Variants in PCDHGA8 observed in about 807,000 individuals in gnomAD.
PCDHGA8 encodes protocadherin gamma subfamily A, 8, also known as protocadherin gamma-A8.
PCDHGA8 carries 45 observed loss-of-function variants against 59.2 expected under a neutral mutation model. That is an observed-to-expected ratio of 0.76 (90% CI 0.60 to 0.98). The LOEUF (loss-of-function observed/expected upper bound fraction) is 0.98. PCDHGA8 is among the 50% of genes least tolerant of loss of function. The pLI is 0.00. For missense variants in PCDHGA8, 1,257 were observed against 1,196.2 expected (o/e 1.05, Z -0.75); for synonymous variants, 531 against 519.0 (o/e 1.02, Z -0.32).
At chr5:141,421,721 T>G in intron 1 of PCDHGA8, 1 of 1,613,940 alleles carries the variant, frequency 6.2e-7, no homozygotes, top group Non-Finnish European at 8.5e-7. Flanking sequence ...GATGTGGGCG[T>G]GAACTCCCTC....
chr5:141,408,904 T>C (rs779095615), intron 1 of PCDHGA8: 14 of 1,613,246 alleles, frequency 8.7e-6, no homozygotes, highest in Admixed American at 3.3e-5. Flanking sequence ...CTGTCAAGGA[T>C]ACCAATGATA....
In PCDHGA8 at chr5:141,485,615, C is replaced by G; in HGVS notation, c.2425-9192C>G. ...CTTGGAAATTGGGGAGGCAGCTCCTCCAGGACAGCGTTTCCCGTTGGAAAA... is the reference window on the plus strand; with the variant it reads ...CTTGGAAATTGGGGAGGCAGCTCCTGCAGGACAGCGTTTCCCGTTGGAAAA... On this transcript the variant is annotated intron_variant, in intron 1 of 3. Coordinates refer to ENST00000398604, the MANE Select transcript of PCDHGA8 (RefSeq NM_032088.2). This position sits in a 1 kb window ranked among gnomAD's most constrained non-coding sequence, Gnocchi z 5.7. 6.2e-7 allele frequency: 1 copy of G among 1,612,250 alleles called. No individual in the cohort carries two copies. The highest frequency in any genetic ancestry group is 1.3e-5 in the African/African-American group (1 of 74,992).
chr5:141,417,721 C>A, intron 1 of PCDHGA8: 2 of 1,330,572 alleles, frequency 1.5e-6, no homozygotes, highest in Non-Finnish European at 2.0e-6. Context: ...CCCGGCTGCG[C>A]AGACCTTGCC....
rs532502013 is a variant in PCDHGA8 at position 141,404,723 on chromosome 5, G to A, written c.2424+9486G>A. 3.1e-6 allele frequency: 5 copies of A among 1,614,094 alleles called. No individual in the cohort carries two copies. Among genetic ancestry groups the A allele is most frequent in the Middle Eastern group, 1.6e-4 (1 of 6,062 alleles). On this transcript the variant is annotated intron_variant, in intron 1 of 3. Coordinates refer to ENST00000398604, the MANE Select transcript of PCDHGA8 (RefSeq NM_032088.2). ...AGAGCCTGGCTACCTGGTGACCAAG[G>A]TGGTGGCAGTGGACAGAGACTCAGG...
chr5:141,447,389 C>T (rs1467715872), intron 1 of PCDHGA8, among the ~76,000 whole-genome samples: 1 of 152,150 alleles, frequency 6.6e-6, no homozygotes, highest in African/African-American at 2.4e-5. Context: ...CTGCCCACCT[C>T]GGCCTCCCAA....
At chr5:141,398,896 C>T (rs776008122) in intron 1 of PCDHGA8, 5 of 1,613,946 alleles carry the variant, frequency 3.1e-6, no homozygotes, top group Non-Finnish European at 3.4e-6. Context: ...AAACGTGCCA[C>T]CAGGCACCAC....
At chr5:141,407,512 T>G (rs910710605) in intron 1 of PCDHGA8, among the ~76,000 whole-genome samples, 3 of 152,192 alleles carry the variant, frequency 2.0e-5, no homozygotes, top group Non-Finnish European at 4.4e-5. Flanking sequence ...TCTTAGGCTA[T>G]GTAGGACTTA....
rs1561856520 is a variant in PCDHGA8 at position 141,431,983 on chromosome 5, A to C, written c.2424+36746A>C. 3.1e-6 allele frequency: 5 copies of C among 1,614,242 alleles called. No homozygotes were observed. Among genetic ancestry groups the C allele is most frequent in the Non-Finnish European group, 4.2e-6 (5 of 1,180,036 alleles). ...ATTACTATAGTTTAGTCACAGACAT[A>C]GTCTTGGATAGGGAACAGGTTCCTA... On this transcript the variant is annotated intron_variant, in intron 1 of 3. Coordinates refer to ENST00000398604, the MANE Select transcript of PCDHGA8 (RefSeq NM_032088.2). The surrounding 1 kb of genome is among the most constrained non-coding windows in gnomAD (Gnocchi z 4.8).
Position 141,422,656 on chromosome 5 carries a change from G to T in PCDHGA8, c.2424+27419G>T, listed in dbSNP as rs759548203. The T allele has an allele frequency of 7.5e-6, 12 of 1,609,898 alleles. 1 individual carries two copies. The African/African-American group carries it at 1.1e-4, about 14-fold the overall frequency. On this transcript the variant is annotated intron_variant, in intron 1 of 3. Transcript: ENST00000398604. The stretch of plus-strand genomic sequence containing the variant: ...GGGTGCCTCCATCTTCTCAGTGACC[G>T]CCCTCGACCCGGACAGCAAACAGAA...
chr5:141,511,230 C>A lies in PCDHGA8; in HGVS notation c.*57C>A. On this transcript the variant is annotated 3_prime_UTR_variant, in exon 4 of 4. Transcript: ENST00000398604. ...CCTCTCCCCAACCAGCCCAGCTTCT[C>A]CTTACCTGCACCCAGGCCTCAGAGT... 6.3e-7 allele frequency: 1 copy of A among 1,597,914 alleles called. No homozygotes were observed. The highest frequency in any genetic ancestry group is 1.1e-5 in the South Asian group (1 of 89,144).
At chr5:141,453,780 C>T (rs1330142662) in intron 1 of PCDHGA8, among the ~76,000 whole-genome samples, 3 of 152,090 alleles carry the variant, frequency 2.0e-5, no homozygotes, top group African/African-American at 4.8e-5. Flanking sequence ...TTTTAGTTAC[C>T]ATGGTATATT....
In PCDHGA8 at chr5:141,476,622, T is replaced by C. The variant is rs1480639256; in HGVS notation, c.2425-18185T>C. The C allele has an allele frequency of 6.2e-7, 1 of 1,614,238 alleles. No individual in the cohort carries two copies. The highest frequency in any genetic ancestry group is 2.2e-5 in the East Asian group (1 of 44,878). On this transcript the variant is annotated intron_variant, in intron 1 of 3. Transcript: ENST00000398604. This position sits in a 1 kb window ranked among gnomAD's most constrained non-coding sequence, Gnocchi z 7.6. ...GATCCCGATGTGGGAAGCAACTCTT[T>C]ACAAACCTATGAGCTGAGCCGAAAT...
chr5:141,459,617 A>G (rs900986636), intron 1 of PCDHGA8, among the ~76,000 whole-genome samples: 2 of 152,258 alleles, frequency 1.3e-5, no homozygotes, highest in African/African-American at 2.4e-5. Flanking sequence ...GCTTAACTTT[A>G]TAAGAAGCTG....
chr5:141,409,729 G>GCAGAGC (rs1178571616), intron 1 of PCDHGA8: 2 of 1,612,966 alleles, frequency 1.2e-6, no homozygotes, highest in African/African-American at 2.7e-5. Context: ...CAGTGAGCGC[G>GCAGAGC]CAGAGCGGGG....
intron 1 of PCDHGA8, chr5:141,418,168 G>T (rs2096233804): frequency 6.2e-7 from 1 of 1,613,946 alleles, no homozygotes. Context: ...GAAGATGTGA[G>T]TTGCAATTGG....
chr5:141,432,793 C>T lies in PCDHGA8; in HGVS notation c.2424+37556C>T. 6.2e-7 allele frequency: 1 copy of T among 1,614,150 alleles called. No individual in the cohort carries two copies. Among genetic ancestry groups the T allele is most frequent in the Admixed American group, 1.7e-5 (1 of 60,032 alleles). ...AAGTCCTGGCGGACCTCGGCAGCCT[C>T]GAGTCTCCAGCTAACTCTGAAACCT... On this transcript the variant is annotated intron_variant, in intron 1 of 3. Transcript: ENST00000398604. The surrounding 1 kb of genome is among the most constrained non-coding windows in gnomAD (Gnocchi z 6.0).
intron 1 of PCDHGA8, chr5:141,400,570 T>C: frequency 6.2e-7 from 1 of 1,612,974 alleles, no homozygotes; most frequent in Non-Finnish European, 8.5e-7. Context: ...CACCCAATTT[T>C]CTGTATTTAC....
intron 1 of PCDHGA8, among the ~76,000 whole-genome samples, chr5:141,456,877 C>T (rs910777736): frequency 2.0e-5 from 3 of 152,202 alleles, no homozygotes; most frequent in South Asian, 2.1e-4. Context: ...GCAGGAGAAT[C>T]GCTTGAACCC....
In PCDHGA8 at chr5:141,393,491, G is replaced by C; in HGVS notation, c.678G>C (p.Val226=). 1 of 1,614,026 alleles carries C rather than the reference G, an allele frequency of 6.2e-7. No individual in the cohort carries two copies. The highest frequency in any genetic ancestry group is 8.5e-7 in the Non-Finnish European group (1 of 1,179,910). ...GCAAGCCGCCTCGCTCTAGCACAGTGCGCATCCACGTGACAGTGTTGGATA... is the reference window on the plus strand; with the variant it reads ...GCAAGCCGCCTCGCTCTAGCACAGTCCGCATCCACGTGACAGTGTTGGATA... ...DGGKPPRSST[V]RIHVTVLDTN... is the part of the protein sequence containing the mutation. Residue 226 remains valine, a synonymous_variant, in exon 1 of 4, where the codon GTG becomes GTC. Transcript: ENST00000398604.
Sources: gnomAD v4.1 joint callset for allele counts (sites outside exome capture counted in the v4.1 genomes callset) on GRCh38, gnomAD v4.1.1 for gene constraint, Gnocchi (gnomAD v3.1) non-coding constraint, MANE v1.5 for transcripts, NCBI Gene and HGNC (gene_info 2026-07-23, HGNC 2026-07-21) for gene names.